The following MAP3K10 variants were observed in gnomAD, a reference collection of about 807,000 sequenced individuals.
The protein encoded by MAP3K10 is MKN28 derived nonreceptor_type serine/threonine kinase.
MAP3K10 carries 22 observed loss-of-function variants against 75.0 expected under a neutral mutation model. That is an observed-to-expected ratio of 0.29 (90% CI 0.21 to 0.42). MAP3K10 has a LOEUF of 0.42. MAP3K10 is among the 10% of genes least tolerant of loss of function. The pLI is 1.00. For synonymous variants in MAP3K10, 599 were observed against 612.9 expected, an observed-to-expected ratio of 0.98 and a Z score of 0.34; for missense variants, 1,165 against 1,379.8, an observed-to-expected ratio of 0.84 and a Z score of 2.47.
At position 40,193,271 on chromosome 19, in the gene MAP3K10, C is replaced by T. The variant is rs1972851124; in HGVS notation, c.682+558C>T. On this transcript the variant is annotated intron_variant, in intron 1 of 9. Transcript: ENST00000253055. The stretch of plus-strand genomic sequence containing the variant: ...AAGTGTCTCCAGGCATTGCAAATGT[C>T]CCCTGGGGGGCAGAATCACCCCCAG... 4.6e-5 allele frequency among the ~76,000 whole-genome samples: 7 copies of T among 152,196 alleles called. No individual in the cohort carries two copies. In the South Asian group the frequency reaches 1.4e-3, roughly 31 times the overall value.
chr19:40,212,699 T>C lies in MAP3K10; in HGVS notation c.1553-106T>C, dbSNP rs1302276914. ...TCATGACTGGAGTTCAAAAGAGCCC[T>C]TGGACTCCCAGGCGGAGGGTGGGCC... is the stretch of plus-strand genomic sequence containing the variant. On this transcript the variant is annotated intron_variant, in intron 6 of 9. Coordinates refer to ENST00000253055, the MANE Select transcript of MAP3K10 (RefSeq NM_002446.4). This position sits in a 1 kb window ranked among gnomAD's most constrained non-coding sequence, Gnocchi z 4.2. 6 of 1,433,260 alleles carry C rather than the reference T, an allele frequency of 4.2e-6. No homozygotes were observed. Among genetic ancestry groups the C allele is most frequent in the Non-Finnish European group, 5.7e-6 (6 of 1,061,562 alleles). 88.8% of individuals were successfully genotyped at this position (1,433,260 alleles called of 1,614,324 possible).
At chr19:40,200,932 G>A (rs190610845) in intron 2 of MAP3K10, among the ~76,000 whole-genome samples, 6 of 151,710 alleles carry the variant, frequency 4.0e-5, no homozygotes, top group African/African-American at 1.2e-4. Flanking sequence ...TCTTTCTGAT[G>A]TGGTCCTGTC....
chr19:40,214,270 C>G, intron 9 of MAP3K10, 49 bp downstream of exon 9: 1 of 1,361,460 alleles, frequency 7.3e-7, no homozygotes, highest in Non-Finnish European at 9.4e-7. Flanking sequence ...CTTCTTTCCT[C>G]CTCTGCCAGG....
chr19:40,202,816 A>G (rs1204830359), intron 2 of MAP3K10, among the ~76,000 whole-genome samples: 1 of 151,974 alleles, frequency 6.6e-6, no homozygotes, highest in African/African-American at 2.4e-5. Context: ...CCTGGAAGCT[A>G]GTTGCCTACT....
intron 5 of MAP3K10, 122 bp from the exon 6 acceptor site, chr19:40,208,981 T>C (rs1973185383): frequency 5.5e-6 from 4 of 730,526 alleles, no homozygotes; most frequent in Non-Finnish European, 9.7e-6. Context: ...AACCACTGCA[T>C]TAAGGAATGA....
In MAP3K10 at chr19:40,204,841, C is replaced by A; in HGVS notation, c.1012+208C>A. 1.5e-6 allele frequency: 1 copy of A among 659,308 alleles called. No homozygotes were observed. The highest frequency in any genetic ancestry group is 2.5e-6 in the Non-Finnish European group (1 of 392,656). The allele number at this position is 659,308 out of a possible 1,614,324, so 40.8% of individuals were successfully genotyped here. Reference sequence around the variant, plus strand: ...TTGTTTGGGCCAGGCCCAGAGCTCTCAGGACAACCTGTTAGGATTCCTTGG... The same window carrying A: ...TTGTTTGGGCCAGGCCCAGAGCTCTAAGGACAACCTGTTAGGATTCCTTGG... On this transcript the variant is annotated intron_variant, in intron 3 of 9. Coordinates refer to ENST00000253055, the MANE Select transcript of MAP3K10 (RefSeq NM_002446.4). This position sits in a 1 kb window ranked among gnomAD's most constrained non-coding sequence, Gnocchi z 4.3.
Position 40,192,946 on chromosome 19 carries a change from C to T in MAP3K10, c.682+233C>T, listed in dbSNP as rs777935006. 6.6e-6 allele frequency among the ~76,000 whole-genome samples: 1 copy of T among 152,142 alleles called. No homozygotes were observed. Among genetic ancestry groups the T allele is most frequent in the Non-Finnish European group, 1.5e-5 (1 of 68,032 alleles). On this transcript the variant is annotated intron_variant, in intron 1 of 9. Coordinates refer to ENST00000253055, the MANE Select transcript of MAP3K10 (RefSeq NM_002446.4). The surrounding 1 kb of genome is among the most constrained non-coding windows in gnomAD (Gnocchi z 7.1). Reference sequence around the variant, plus strand: ...GCCTCCCAGGCTGCAGAGTCACAATCGCTCAGTAAACATGTATCCATGAAC... The same window carrying T: ...GCCTCCCAGGCTGCAGAGTCACAATTGCTCAGTAAACATGTATCCATGAAC...
rs1468525159 is a variant in MAP3K10 at position 40,198,158 on chromosome 19, G to A, written c.683-217G>A. 6.6e-6 allele frequency among the ~76,000 whole-genome samples: 1 copy of A among 152,206 alleles called. No homozygotes were observed. The highest frequency in any genetic ancestry group is 1.9e-4 in the East Asian group (1 of 5,192). Reference sequence around the variant, plus strand: ...AGAATCAGGAGGGCAGAGGACACAGGAGGAGCTCCCTACTCCCTCATGGGA... The same window carrying A: ...AGAATCAGGAGGGCAGAGGACACAGAAGGAGCTCCCTACTCCCTCATGGGA... On this transcript the variant is annotated intron_variant, in intron 1 of 9. Transcript: ENST00000253055. The surrounding 1 kb of genome is among the most constrained non-coding windows in gnomAD (Gnocchi z 4.3).
In MAP3K10 at chr19:40,212,048, C is replaced by G. The variant is rs557538464; in HGVS notation, c.1553-757C>G. Among the ~76,000 whole-genome samples, 90 of 152,162 alleles carry G rather than the reference C, an allele frequency of 5.9e-4. No individual in the cohort carries two copies. Among genetic ancestry groups the G allele is most frequent in the Non-Finnish European group, 7.9e-4 (54 of 68,022 alleles). On this transcript the variant is annotated intron_variant, in intron 6 of 9. Transcript: ENST00000253055. This position sits in a 1 kb window ranked among gnomAD's most constrained non-coding sequence, Gnocchi z 4.2. ...CCTGGTATGGATTTTCTTTTAACTG[C>G]CCTGGGGCAGCCCCCAGAGCCATGC...
At chr19:40,199,010 G>A (rs55708899) in intron 2 of MAP3K10, among the ~76,000 whole-genome samples, 1 of 152,300 alleles carries the variant, frequency 6.6e-6, no homozygotes. Context: ...AGAGATTGCA[G>A]TGGGCTGGGA....
intron 1 of MAP3K10, among the ~76,000 whole-genome samples, chr19:40,195,339 CTGTCACAGGG>C (rs1972884738): frequency 6.6e-6 from 1 of 152,046 alleles, no homozygotes; most frequent in African/African-American, 2.4e-5. Flanking sequence ...GATGTTCCCT[CTGTCACAGGG>C]TTTCGATACA....
rs1270678588 is a variant in MAP3K10, at chr19:40,212,179, A to T, written c.1553-626A>T. Among the ~76,000 whole-genome samples the T allele has an allele frequency of 6.6e-6, 1 of 152,120 alleles. No homozygotes were observed. The highest frequency in any genetic ancestry group is 1.5e-5 in the Non-Finnish European group (1 of 68,002). On this transcript the variant is annotated intron_variant, in intron 6 of 9. Transcript: ENST00000253055. The surrounding 1 kb of genome is among the most constrained non-coding windows in gnomAD (Gnocchi z 4.2). ...GATGGAGGCCAGGCCAGGGTGGGGGACTTGGAAGGGACAGATGTCCACAGT... is the reference window on the plus strand; with the variant it reads ...GATGGAGGCCAGGCCAGGGTGGGGGTCTTGGAAGGGACAGATGTCCACAGT...
intron 2 of MAP3K10, among the ~76,000 whole-genome samples, chr19:40,199,039 C>T (rs997428434): frequency 6.6e-6 from 1 of 152,094 alleles, no homozygotes; most frequent in African/African-American, 2.4e-5. Context: ...TGCACTCCAG[C>T]CTGGGTGACA....
Position 40,206,682 on chromosome 19 carries a change from G to A in MAP3K10, c.1435+525G>A, listed in dbSNP as rs186720569. ...AGAGAGAACCTCACAGCCATCCCAA[G>A]TGCTTTCTACCTGCCCCTCCAGACA... On this transcript the variant is annotated intron_variant, in intron 5 of 9. Transcript: ENST00000253055. Among the ~76,000 whole-genome samples, 503 of 152,298 alleles carry A rather than the reference G, an allele frequency of 3.3e-3. 4 individuals are homozygous for A. Among genetic ancestry groups the A allele is most frequent in the African/African-American group, 0.012 (494 of 41,572 alleles).
chr19:40,214,205 C>T lies in MAP3K10; in HGVS notation c.2526C>T (p.Pro842=), dbSNP rs1973306162. Residue 842 remains proline, a synonymous_variant, in exon 9 of 10, where the codon CCC becomes CCT. Transcript: ENST00000253055. The part of the protein sequence containing the change: ...GALGQRGPPE[P]AGHGPGPRDL... ...TGGGGCAGCGGGGGCCGCCCGAGCC[C>T]GCGGGCCATGGCCCTGGTGAGTGAG... 1.4e-6 allele frequency: 2 copies of T among 1,428,452 alleles called. No individual in the cohort carries two copies. The highest frequency in any genetic ancestry group is 1.5e-5 in the African/African-American group (1 of 66,590). 88.5% of individuals were successfully genotyped at this position (1,428,452 alleles called of 1,614,324 possible).
intron 6 of MAP3K10, among the ~76,000 whole-genome samples, chr19:40,210,643 G>C (rs1439959721): frequency 3.9e-5 from 6 of 152,062 alleles, no homozygotes; most frequent in Non-Finnish European, 8.8e-5. Context: ...GGAGGTTGCA[G>C]TGAGCCGAGA....
rs1370328527 is a variant in MAP3K10, at chr19:40,211,430, T to C, written c.1553-1375T>C. On this transcript the variant is annotated intron_variant, in intron 6 of 9. Transcript: ENST00000253055. ...GTGCAGGATGTGCAGGTTTGTTACA[T>C]AGGTAAACGTGTGCCATGGTGATTT... Among the ~76,000 whole-genome samples the C allele has an allele frequency of 5.9e-5, 9 of 151,882 alleles. No individual in the cohort carries two copies. In the Middle Eastern group the frequency reaches 0.017, roughly 287 times the overall value.
chr19:40,192,329 C>A lies in MAP3K10; in HGVS notation c.298C>A (p.Leu100Ile), dbSNP rs771361641. 2 of 1,611,912 alleles carry A rather than the reference C, an allele frequency of 1.2e-6. No homozygotes were observed. Among genetic ancestry groups the A allele is most frequent in the South Asian group, 1.1e-5 (1 of 90,900 alleles). ...GGAGATCCCCTTCCACGAGCTGCAGCTAGAGGAGATCATCGGTGTGGGGGG... is the reference window on the plus strand; with the variant it reads ...GGAGATCCCCTTCCACGAGCTGCAGATAGAGGAGATCATCGGTGTGGGGGG... ...PQEIPFHELQLEEIIGVGGFG... is the reference protein window; with the variant it reads ...PQEIPFHELQIEEIIGVGGFG... Residue 100 changes from leucine (L) to isoleucine (I), a missense_variant, in exon 1 of 10, where the codon CTA (leucine) becomes ATA (isoleucine). Transcript: ENST00000253055. This position sits in a 1 kb window ranked among gnomAD's most constrained non-coding sequence, Gnocchi z 7.1.
At chr19:40,203,060 G>A (rs1973054947) in intron 2 of MAP3K10, among the ~76,000 whole-genome samples, 1 of 152,174 alleles carries the variant, frequency 6.6e-6, no homozygotes, top group African/African-American at 2.4e-5. Context: ...ACGTTGAATG[G>A]GCCGGGCGCA....
Sources: allele counts gnomAD v4.1 joint callset (sites outside exome capture counted in the v4.1 genomes callset), GRCh38; gene constraint gnomAD v4.1.1; non-coding constraint Gnocchi (gnomAD v3.1); transcripts MANE v1.5; gene names NCBI Gene and HGNC (gene_info 2026-07-23, HGNC 2026-07-21).